The following WDR17 variants were observed in gnomAD, a reference collection of about 807,000 sequenced individuals.
The protein encoded by WDR17 is WD repeat domain 17, also known as WD repeat-containing protein 17.
WDR17 carries 143 observed loss-of-function variants against 161.7 expected under a neutral mutation model. The ratio of observed to expected loss-of-function variants is 0.88; its 90% CI spans 0.77 to 1.02. WDR17 has a LOEUF of 1.02. WDR17 is among the 50% of genes least tolerant of loss of function. The pLI is 0.00. For synonymous variants in WDR17, 517 were observed against 515.6 expected, an observed-to-expected ratio of 1.00 and a Z score of -0.04; for missense variants, 1,469 against 1,520.9, an observed-to-expected ratio of 0.97 and a Z score of 0.57.
In WDR17 at chr4:176,146,170, T is replaced by TTGG; in HGVS notation, c.1694+12_1694+14dup. The stretch of plus-strand genomic sequence containing the variant: ...TGGTTCTGATGATGGGTATGTATTT[T>TTGG]TGGATTCTAATTTTCTAGTCCTTAA... On this transcript the variant is annotated intron_variant, in intron 12 of 28. Coordinates refer to ENST00000508596, the MANE Select transcript of WDR17 (RefSeq NM_181265.4). The TTGG allele has an allele frequency of 6.2e-7, 1 of 1,607,900 alleles. No individual in the cohort carries two copies. Among genetic ancestry groups the TTGG allele is most frequent in the South Asian group, 1.1e-5 (1 of 89,556 alleles).
At chr4:176,163,122 CA>C in intron 21 of WDR17, 31 bp from the exon 22 acceptor site, 1 of 1,613,848 alleles carries the variant, frequency 6.2e-7, no homozygotes, top group African/African-American at 1.3e-5. Flanking sequence ...AGCTTCTATG[CA>C]ACTGAAGAAA....
rs1236257456 is a variant in WDR17 at position 176,180,178 on chromosome 4, A to C, written c.*599A>C. 1 of 152,192 alleles carries C rather than the reference A, an allele frequency of 6.6e-6. No individual in the cohort carries two copies. Among genetic ancestry groups the C allele is most frequent in the African/African-American group, 2.4e-5 (1 of 41,458 alleles). 9.4% of individuals were successfully genotyped at this position (152,192 alleles called of 1,614,324 possible). A position where few individuals can be genotyped will look rare whatever the true frequency, so the allele number is the denominator to read the frequency against. On this transcript the variant is annotated 3_prime_UTR_variant, in exon 29 of 29. Transcript: ENST00000508596. ...ATACTTTTAAAAAAAAGAAAATGTTACCAGTTTTTTTATCTGAAGTTTAAC... is the reference window on the plus strand; with the variant it reads ...ATACTTTTAAAAAAAAGAAAATGTTCCCAGTTTTTTTATCTGAAGTTTAAC...
At chr4:176,128,419 A>T (rs71613781) in intron 5 of WDR17, among the ~76,000 whole-genome samples, 1 of 151,958 alleles carries the variant, frequency 6.6e-6, no homozygotes, top group African/African-American at 2.4e-5. Flanking sequence ...GGCCTTTCCT[A>T]GAACAAGCAT....
At chr4:176,073,018 A>G (rs979517097) in intron 1 of WDR17, among the ~76,000 whole-genome samples, 5 of 152,110 alleles carry the variant, frequency 3.3e-5, no homozygotes, top group Non-Finnish European at 7.4e-5. Context: ...TTTTTTCACC[A>G]GATGTCTTAT....
chr4:176,161,997 T>A, intron 20 of WDR17, 78 bp from the exon 21 acceptor site: 1 of 1,228,328 alleles, frequency 8.1e-7, no homozygotes, highest in Non-Finnish European at 1.1e-6. Context: ...CTTTTTATCA[T>A]ACCTTTTAAA....
chr4:176,139,076 G>A (rs1194244015), intron 9 of WDR17, among the ~76,000 whole-genome samples: 3 of 151,636 alleles, frequency 2.0e-5, no homozygotes, highest in Admixed American at 2.0e-4. Context: ...TCCCCAAAGA[G>A]GTAAAACAGC....
chr4:176,076,408 G>GTTT lies in WDR17; in HGVS notation c.-7+10343_-7+10345dup, dbSNP rs564678477. ...CCCAGTAAATGAGTTGTCGTTGTTG[G>GTTT]TTTTTTTTTTTTTTTTGGCTGCATC... On this transcript the variant is annotated intron_variant, in intron 1 of 28. Transcript: ENST00000508596. Among the ~76,000 whole-genome samples the GTTT allele has an allele frequency of 5.0e-3, 550 of 109,322 alleles. 13 individuals carry two copies. Among genetic ancestry groups the GTTT allele is most frequent in the African/African-American group, 0.014 (407 of 28,590 alleles). The allele number at this position is 109,322 out of a possible 152,430, so 71.7% of individuals were successfully genotyped here.
intron 23 of WDR17, among the ~76,000 whole-genome samples, chr4:176,171,776 T>TC (rs386402389): frequency 6.6e-6 from 1 of 151,842 alleles, no homozygotes; most frequent in Non-Finnish European, 1.5e-5. Flanking sequence ...GAAAAAGATT[T>TC]TTTTTTAATG....
chr4:176,072,760 T>C (rs1009936672), intron 1 of WDR17, among the ~76,000 whole-genome samples: 1 of 152,188 alleles, frequency 6.6e-6, no homozygotes, highest in Non-Finnish European at 1.5e-5. Flanking sequence ...ATTTCAACAA[T>C]GTGTTTTTAG....
At chr4:176,138,836 G>A (rs1744818154) in intron 9 of WDR17, among the ~76,000 whole-genome samples, 1 of 151,728 alleles carries the variant, frequency 6.6e-6, no homozygotes, top group Non-Finnish European at 1.5e-5. Context: ...ACATTCACTA[G>A]CGAAATTGCT....
chr4:176,174,428 TA>T (rs1751173857), intron 25 of WDR17, among the ~76,000 whole-genome samples, 188 bp from the exon 26 acceptor site: 1 of 152,186 alleles, frequency 6.6e-6, no homozygotes. Context: ...TAATTGATGG[TA>T]TAGCATAAAT....
chr4:176,146,212 T>C (rs1437559536), intron 12 of WDR17, 53 bp downstream of exon 12: 1 of 1,558,718 alleles, frequency 6.4e-7, no homozygotes. Context: ...AAGCTTATAT[T>C]TTCCTAGAAA....
rs1752100572 is a variant in WDR17 at position 176,180,974 on chromosome 4, T to C, written c.*1395T>C. On this transcript the variant is annotated 3_prime_UTR_variant, in exon 29 of 29. Coordinates refer to ENST00000508596, the MANE Select transcript of WDR17 (RefSeq NM_181265.4). ...AAGTTGTTTCACAAGATTTATAATA[T>C]AGATGGTTTTGTTTGACTAAAGAAT... is the stretch of plus-strand genomic sequence containing the variant. 6.6e-6 allele frequency: 1 copy of C among 152,208 alleles called. No homozygotes were observed. Among genetic ancestry groups the C allele is most frequent in the African/African-American group, 2.4e-5 (1 of 41,462 alleles). The allele number at this position is 152,208 out of a possible 1,614,324, so 9.4% of individuals were successfully genotyped here. A position where few individuals can be genotyped will look rare whatever the true frequency, so the allele number is the denominator to read the frequency against.
At chr4:176,165,279 G>A (rs1749618305) in intron 22 of WDR17, among the ~76,000 whole-genome samples, 1 of 152,078 alleles carries the variant, frequency 6.6e-6, no homozygotes, top group Non-Finnish European at 1.5e-5. Context: ...TGAGGCAGGA[G>A]AATCACTTGA....
intron 7 of WDR17, among the ~76,000 whole-genome samples, chr4:176,134,599 T>C (rs1320571070): frequency 1.3e-5 from 2 of 151,748 alleles, no homozygotes; most frequent in African/African-American, 2.4e-5. Context: ...ATTGGGGTTA[T>C]GCCTGATTCT....
Position 176,150,047 on chromosome 4 carries a change from T to C in WDR17, c.2052T>C (p.Tyr684=), listed in dbSNP as rs1746865782. 6.2e-7 allele frequency: 1 copy of C among 1,613,732 alleles called. No homozygotes were observed. Among genetic ancestry groups the C allele is most frequent in the South Asian group, 1.1e-5 (1 of 90,894 alleles). The change falls in exon 15 of 29, where the codon TAT becomes TAC. Residue 684 remains tyrosine (Y), a synonymous_variant. Transcript: ENST00000508596. ...SWEEIIGNTD[Y]AIEPGTPPLL... Reference sequence around the variant, plus strand: ...TGAATTATGTCTGTTCTTCAGATTATGCTATAGAACCAGGCACTCCTCCTC... The same window carrying C: ...TGAATTATGTCTGTTCTTCAGATTACGCTATAGAACCAGGCACTCCTCCTC...
chr4:176,138,402 T>A (rs1437352053), intron 9 of WDR17, among the ~76,000 whole-genome samples: 1 of 151,748 alleles, frequency 6.6e-6, no homozygotes, highest in Non-Finnish European at 1.5e-5. Context: ...TGTAGTAGCG[T>A]AGCAAATGCA....
chr4:176,130,187 C>T (rs1743124837), intron 6 of WDR17, among the ~76,000 whole-genome samples: 1 of 152,116 alleles, frequency 6.6e-6, no homozygotes, highest in Admixed American at 6.6e-5. Context: ...TTCTGAAAAG[C>T]ATGATTTACA....
At chr4:176,109,717 G>C (rs1005162170) in intron 1 of WDR17, among the ~76,000 whole-genome samples, 2 of 152,160 alleles carry the variant, frequency 1.3e-5, no homozygotes, top group Non-Finnish European at 2.9e-5. Flanking sequence ...TAATTGCTGA[G>C]CATTAAAAGA....
Sources: gnomAD v4.1 joint callset for allele counts (sites outside exome capture counted in the v4.1 genomes callset) on GRCh38, gnomAD v4.1.1 for gene constraint, MANE v1.5 for transcripts, NCBI Gene and HGNC (gene_info 2026-07-23, HGNC 2026-07-21) for gene names.